Variants in HIPK2 observed in about 807,000 individuals in gnomAD.
HIPK2 encodes the protein homeodomain interacting protein kinase 2.
Under a neutral mutation model 113.7 loss-of-function variants are expected in HIPK2, and 27 were observed. The ratio of observed to expected loss-of-function variants is 0.24; its 90% confidence interval spans 0.17 to 0.33. HIPK2 has a LOEUF of 0.33. Among genes scored for constraint, HIPK2 ranks in the 10% least tolerant of loss-of-function variants. The pLI, the probability that HIPK2 is intolerant of heterozygous loss-of-function variation, is 1.00. For synonymous variants in HIPK2, 631 were observed against 642.2 expected, an observed-to-expected ratio of 0.98 and a Z score of 0.26; for missense variants, 1,257 against 1,588.0, an observed-to-expected ratio of 0.79 and a Z score of 3.54.
At chr7:139,600,814 A>G (rs1013356937) in intron 10 of HIPK2, among the ~76,000 whole-genome samples, 1 of 152,226 alleles carries the variant, frequency 6.6e-6, no homozygotes, top group African/African-American at 2.4e-5. Context: ...TGAGTGAGAA[A>G]GAGGACTTTC....
chr7:139,750,807 C>T lies in HIPK2; in HGVS notation c.19+26798G>A, dbSNP rs1345322363. ...TCAGTGCTTCCTAGATAAAAGTCCA[C>T]ATGCAAAATTTAGTTGAAAAGAACT... On this transcript the variant is annotated intron_variant, in intron 1 of 14. Transcript: ENST00000406875. Among the ~76,000 whole-genome samples, 8 of 152,324 alleles carry T rather than the reference C, an allele frequency of 5.3e-5. No individual in the cohort carries two copies. In the East Asian group the frequency reaches 7.7e-4, roughly 15 times the overall value.
intron 13 of HIPK2, among the ~76,000 whole-genome samples, chr7:139,579,616 G>A (rs1052961360): frequency 6.6e-6 from 1 of 151,686 alleles, no homozygotes; most frequent in Admixed American, 6.6e-5. Flanking sequence ...TGCCTCTAGA[G>A]GTCTCAGCCT....
intron 12 of HIPK2, among the ~76,000 whole-genome samples, chr7:139,591,385 C>T (rs1466248453): frequency 6.6e-6 from 1 of 152,192 alleles, no homozygotes; most frequent in East Asian, 1.9e-4. Context: ...TCTCTCTCTT[C>T]CCAACTGGCC....
chr7:139,729,021 T>C (rs1433140366), intron 1 of HIPK2, among the ~76,000 whole-genome samples: 1 of 152,124 alleles, frequency 6.6e-6, no homozygotes, highest in Non-Finnish European at 1.5e-5. Flanking sequence ...CTGTAGTCAC[T>C]TTGGTATAAA....
intron 11 of HIPK2, 49 bp from the exon 12 acceptor site, chr7:139,597,047 A>C: frequency 6.5e-7 from 1 of 1,539,068 alleles, no homozygotes; most frequent in African/African-American, 1.4e-5. Flanking sequence ...CAGGCCCCAC[A>C]ACTCCTTCGA....
intron 5 of HIPK2, among the ~76,000 whole-genome samples, chr7:139,627,089 T>C (rs1426124846): frequency 6.6e-6 from 1 of 152,198 alleles, no homozygotes; most frequent in Non-Finnish European, 1.5e-5. Flanking sequence ...ATCAGTTAAG[T>C]TGAAATGCAG....
rs1337526364 is a variant in HIPK2 at position 139,710,803 on chromosome 7, T to C, written c.1103+5129A>G. 2.6e-5 allele frequency among the ~76,000 whole-genome samples: 4 copies of C among 152,288 alleles called. No individual in the cohort carries two copies. The East Asian group carries it at 7.7e-4, about 29-fold the overall frequency. On this transcript the variant is annotated intron_variant, in intron 2 of 14. Transcript: ENST00000406875. ...GAGTCATGGGGGCACACTTCCCCCT[T>C]GCTGTTCTTGTGATTGTGAGTTCTC...
At chr7:139,722,171 AAAC>A (rs1795429854) in intron 1 of HIPK2, 1 of 199,504 alleles carries the variant, frequency 5.0e-6, no homozygotes, top group African/African-American at 2.4e-5. Flanking sequence ...TTAAAATTTA[AAAC>A]AACTTCTATT....
intron 10 of HIPK2, among the ~76,000 whole-genome samples, chr7:139,601,304 G>A (rs902304890): frequency 4.0e-5 from 6 of 148,754 alleles, no homozygotes; most frequent in South Asian, 2.1e-4. Flanking sequence ...AAGAAAAAGC[G>A]GAATTTACAC....
chr7:139,759,974 C>T (rs1424194002), intron 1 of HIPK2, among the ~76,000 whole-genome samples: 2 of 151,840 alleles, frequency 1.3e-5, no homozygotes. Flanking sequence ...TTTTCACATA[C>T]CCATCATCTA....
chr7:139,604,357 GC>G, intron 9 of HIPK2, 134 bp from the exon 10 acceptor site: 1 of 1,330,998 alleles, frequency 7.5e-7, no homozygotes, highest in Non-Finnish European at 1.0e-6. Context: ...CTGGTCTCTG[GC>G]CTCAAAAACT....
intron 2 of HIPK2, among the ~76,000 whole-genome samples, chr7:139,644,067 C>A (rs77854663): frequency 2.6e-5 from 4 of 152,336 alleles, no homozygotes; most frequent in Non-Finnish European, 5.9e-5. Context: ...TTTGCAGAAG[C>A]ACCTATCAGC....
intron 9 of HIPK2, among the ~76,000 whole-genome samples, chr7:139,608,517 A>C (rs1469732751): frequency 6.6e-6 from 1 of 151,980 alleles, no homozygotes; most frequent in Non-Finnish European, 1.5e-5. Flanking sequence ...TTTGAAAAGG[A>C]ATTAAATTTA....
intron 4 of HIPK2, among the ~76,000 whole-genome samples, chr7:139,629,617 G>A (rs749483410): frequency 3.9e-5 from 6 of 152,182 alleles, no homozygotes; most frequent in Non-Finnish European, 7.3e-5. Flanking sequence ...TTTGTGGCTG[G>A]GCTGCCCCTC....
At chr7:139,617,699 T>C (rs1160283794) in intron 7 of HIPK2, among the ~76,000 whole-genome samples, 1 of 152,244 alleles carries the variant, frequency 6.6e-6, no homozygotes, top group Non-Finnish European at 1.5e-5. Flanking sequence ...CCCAGCTTCC[T>C]TGAGACCTAA....
chr7:139,704,652 C>T (rs1461134870), intron 2 of HIPK2, among the ~76,000 whole-genome samples: 1 of 152,216 alleles, frequency 6.6e-6, no homozygotes, highest in African/African-American at 2.4e-5. Context: ...GCTCTGTCTT[C>T]AGGGGAGTCT....
chr7:139,613,531 C>T lies in HIPK2; in HGVS notation c.1991-208G>A, dbSNP rs951603376. On this transcript the variant is annotated intron_variant, in intron 8 of 14. Coordinates refer to ENST00000406875, the MANE Select transcript of HIPK2 (RefSeq NM_022740.5). The surrounding 1 kb of genome is among the most constrained non-coding windows in gnomAD (Gnocchi z 4.2). ...AAACTCCTCCTGAAATCTTGAATGTCTTCAAAGGCTAGAAGGTCAGATTAA... is the reference window on the plus strand; with the variant it reads ...AAACTCCTCCTGAAATCTTGAATGTTTTCAAAGGCTAGAAGGTCAGATTAA... 3 of 193,862 alleles carry T rather than the reference C, an allele frequency of 1.5e-5. No homozygotes were observed. The highest frequency in any genetic ancestry group is 1.9e-5 in the Non-Finnish European group (2 of 106,322). 12.0% of individuals were successfully genotyped at this position (193,862 alleles called of 1,614,324 possible). A position where few individuals can be genotyped will look rare whatever the true frequency, so the allele number is the denominator to read the frequency against.
chr7:139,627,448 G>A (rs577013785), intron 5 of HIPK2, among the ~76,000 whole-genome samples: 46 of 152,298 alleles, frequency 3.0e-4, no homozygotes, highest in African/African-American at 1.0e-3. Context: ...AATTATTTTA[G>A]TCCCTGTGTT....
At chr7:139,633,464 A>G (rs1288848585) in intron 2 of HIPK2, among the ~76,000 whole-genome samples, 1 of 152,186 alleles carries the variant, frequency 6.6e-6, no homozygotes, top group Non-Finnish European at 1.5e-5. Context: ...TGAAAAGAAG[A>G]AAACAAACAA....
Sources: allele counts gnomAD v4.1 joint callset (sites outside exome capture counted in the v4.1 genomes callset), GRCh38; gene constraint gnomAD v4.1.1; non-coding constraint Gnocchi (gnomAD v3.1); transcripts MANE v1.5; gene names NCBI Gene and HGNC (gene_info 2026-07-23, HGNC 2026-07-21).